Variants in PLEKHG1 observed in about 807,000 individuals in gnomAD.
The protein encoded by PLEKHG1 is pleckstrin homology domain-containing family G member 1.
Under a neutral mutation model 100.8 loss-of-function variants are expected in PLEKHG1, and 44 were observed. The observed-to-expected ratio is 0.44, with a 90% confidence interval of 0.34 to 0.56. The LOEUF (loss-of-function observed/expected upper bound fraction) is 0.56. Among genes scored for constraint, PLEKHG1 ranks in the 20% least tolerant of loss-of-function variants. The pLI, the probability that PLEKHG1 is intolerant of heterozygous loss-of-function variation, is 0.01. For synonymous variants in PLEKHG1, 640 were observed against 662.5 expected, an observed-to-expected ratio of 0.97 and a Z score of 0.52; for missense variants, 1,545 against 1,720.9, an observed-to-expected ratio of 0.90 and a Z score of 1.81.
rs767924547 is a variant in PLEKHG1 at position 150,827,722 on chromosome 6, AC to A, written c.1471-2857del. 3.0e-5 allele frequency: 38 copies of A among 1,277,408 alleles called. 2 individuals carry two copies. The highest frequency in any genetic ancestry group is 6.9e-5 in the East Asian group (3 of 43,348). 79.1% of individuals were successfully genotyped at this position (1,277,408 alleles called of 1,614,324 possible). A position where few individuals can be genotyped will look rare whatever the true frequency, so the allele number is the denominator to read the frequency against. On this transcript the variant is annotated intron_variant, in intron 14 of 15. Transcript: ENST00000358517. ...ACATCTTACGCAAAAAGGGTTTCTT[AC>A]CCGCCAAGGAAAGAATTGGAAGAAT...
At chr6:150,817,183 A>T (rs989408855) in intron 10 of PLEKHG1, among the ~76,000 whole-genome samples, 6 of 152,016 alleles carry the variant, frequency 3.9e-5, no homozygotes, top group Non-Finnish European at 8.8e-5. Context: ...AATCCTAATG[A>T]CCATTCTGAA....
At chr6:150,716,087 G>A (rs1423115125) in intron 3 of PLEKHG1, among the ~76,000 whole-genome samples, 2 of 127,926 alleles carry the variant, frequency 1.6e-5, no homozygotes, top group East Asian at 2.3e-4. Context: ...CAGCCTGGGC[G>A]ACAGAGCGAG....
chr6:150,833,351 C>T (rs1250614037), intron 15 of PLEKHG1, among the ~76,000 whole-genome samples: 1 of 152,230 alleles, frequency 6.6e-6, no homozygotes, highest in Non-Finnish European at 1.5e-5. Context: ...CCACACCTGG[C>T]CTACTGCTCA....
intron 10 of PLEKHG1, among the ~76,000 whole-genome samples, chr6:150,817,871 C>A (rs1469859926): frequency 2.0e-5 from 3 of 151,938 alleles, no homozygotes; most frequent in Admixed American, 1.3e-4. Flanking sequence ...CGAGAATCTG[C>A]ATTTTTAATA....
At chr6:150,648,632 A>T (rs1582879364) in intron 2 of PLEKHG1, among the ~76,000 whole-genome samples, 1 of 152,126 alleles carries the variant, frequency 6.6e-6, no homozygotes, top group Non-Finnish European at 1.5e-5. Flanking sequence ...TCTAAGTCAA[A>T]CATGCCTCTT....
At chr6:150,834,373 G>T (rs1014692463) in intron 15 of PLEKHG1, among the ~76,000 whole-genome samples, 10 of 152,216 alleles carry the variant, frequency 6.6e-5, no homozygotes, top group African/African-American at 1.9e-4. Flanking sequence ...TGCAAGCACT[G>T]ACTAAGTCTG....
intron 4 of PLEKHG1, among the ~76,000 whole-genome samples, chr6:150,791,351 G>T (rs1394838549): frequency 2.6e-5 from 4 of 152,060 alleles, no homozygotes; most frequent in Non-Finnish European, 5.9e-5. Flanking sequence ...GACTAGAAGG[G>T]AAAAGAATAG....
intron 1 of PLEKHG1, among the ~76,000 whole-genome samples, chr6:150,636,406 C>T (rs1268580096): frequency 6.6e-6 from 1 of 152,088 alleles, no homozygotes; most frequent in Non-Finnish European, 1.5e-5. Context: ...CTGGTTTCTC[C>T]AGCAGTAGCT....
chr6:150,640,513 T>G (rs1003607337), intron 2 of PLEKHG1, among the ~76,000 whole-genome samples: 8 of 152,144 alleles, frequency 5.3e-5, no homozygotes, highest in Admixed American at 5.2e-4. Context: ...CTCTTCCTTT[T>G]TCAGTATTTT....
chr6:150,813,022 C>A (rs1252611159), intron 10 of PLEKHG1, among the ~76,000 whole-genome samples: 1 of 151,920 alleles, frequency 6.6e-6, no homozygotes, highest in Non-Finnish European at 1.5e-5. Flanking sequence ...AGAACACTTG[C>A]TGGCCGGGCG....
chr6:150,726,068 A>G (rs117390876), intron 1 of PLEKHG1, among the ~76,000 whole-genome samples: 1 of 152,292 alleles, frequency 6.6e-6, no homozygotes, highest in East Asian at 1.9e-4. Context: ...AAAATAATCA[A>G]ACTCATACAA....
chr6:150,722,380 G>T (rs1781741459), intron 1 of PLEKHG1, among the ~76,000 whole-genome samples: 2 of 111,066 alleles, frequency 1.8e-5, no homozygotes, highest in Non-Finnish European at 1.7e-5. Flanking sequence ...TTGAGACTGA[G>T]TCTCGCTCTG....
rs530588532 is a variant in PLEKHG1 at position 150,801,897 on chromosome 6, T to C, written c.780+1028T>C. On this transcript the variant is annotated intron_variant, in intron 6 of 15. Transcript: ENST00000358517. ...TTAGAAACAGGGCTCTGGGAAAGAC[T>C]GCCTGGGTCTAAATCTTATACGTTG... Among the ~76,000 whole-genome samples, 4 of 152,340 alleles carry C rather than the reference T, an allele frequency of 2.6e-5. No individual in the cohort carries two copies. The South Asian group carries it at 8.3e-4, about 32-fold the overall frequency.
intron 9 of PLEKHG1, 85 bp downstream of exon 10, chr6:150,809,561 TG>T: frequency 6.7e-7 from 1 of 1,484,962 alleles, no homozygotes. Flanking sequence ...GAGAGCGTTC[TG>T]GCCACATGGT....
At chr6:150,805,681 C>T (rs4537158) in intron 7 of PLEKHG1, among the ~76,000 whole-genome samples, 2,284 of 152,238 alleles carry the variant, frequency 0.015, 23 homozygotes, top group Middle Eastern at 0.027. Flanking sequence ...GGGCATACCA[C>T]CACGCCCGGC....
At chr6:150,690,895 T>C (rs942032796) in intron 3 of PLEKHG1, among the ~76,000 whole-genome samples, 1 of 152,214 alleles carries the variant, frequency 6.6e-6, no homozygotes, top group Non-Finnish European at 1.5e-5. Context: ...GATCCCTGCC[T>C]CCTGTGAACA....
intron 3 of PLEKHG1, among the ~76,000 whole-genome samples, chr6:150,701,586 T>C (rs1457268418): frequency 2.1e-5 from 3 of 145,938 alleles, no homozygotes; most frequent in Non-Finnish European, 4.5e-5. Context: ...GTATATCTCC[T>C]AATGCTATCC....
At chr6:150,806,267 A>G (rs1038181653) in intron 7 of PLEKHG1, among the ~76,000 whole-genome samples, 2 of 110,620 alleles carry the variant, frequency 1.8e-5, no homozygotes, top group Non-Finnish European at 3.6e-5. Context: ...ACAAAAGTTT[A>G]ATACTTTATC....
At chr6:150,672,298 C>T (rs1030065959) in intron 3 of PLEKHG1, among the ~76,000 whole-genome samples, 1 of 152,180 alleles carries the variant, frequency 6.6e-6, no homozygotes, top group South Asian at 2.1e-4. Flanking sequence ...CCTGATTCCA[C>T]GGGTGTTCAT....
Sources: allele counts gnomAD v4.1 joint callset (sites outside exome capture counted in the v4.1 genomes callset), GRCh38; gene constraint gnomAD v4.1.1; transcripts MANE v1.5; gene names NCBI Gene and HGNC (gene_info 2026-07-23, HGNC 2026-07-21).